The following PIK3R5 variants were observed in gnomAD, a reference collection of about 807,000 sequenced individuals.
PIK3R5 encodes the protein phosphoinositide 3-kinase regulatory subunit 5.
In PIK3R5, 32 loss-of-function variants were observed where a neutral mutation model predicts 94.9. The observed-to-expected ratio is 0.34, with a 90% CI of 0.25 to 0.45. The LOEUF is 0.45. Among genes scored for constraint, PIK3R5 ranks in the 20% least tolerant of loss-of-function variants. The pLI, the probability that PIK3R5 is intolerant of heterozygous loss-of-function variation, is 1.00. For missense variants in PIK3R5, 853 were observed against 1,144.6 expected, an observed-to-expected ratio of 0.75 and a Z score of 3.68; for synonymous variants, 443 against 479.4, an observed-to-expected ratio of 0.92 and a Z score of 0.99.
At chr17:8,949,999 C>G (rs1293724101) in intron 1 of PIK3R5, among the ~76,000 whole-genome samples, 2 of 152,168 alleles carry the variant, frequency 1.3e-5, no homozygotes, top group South Asian at 4.1e-4. Flanking sequence ...TATTAAAAGA[C>G]AGTTTGTGAA....
chr17:8,963,521 T>G (rs2091602154), intron 1 of PIK3R5, among the ~76,000 whole-genome samples: 1 of 78,234 alleles, frequency 1.3e-5, no homozygotes, highest in African/African-American at 3.4e-5. Context: ...CTTCTTCTTC[T>G]TCTTCTTTTT....
intron 1 of PIK3R5, chr17:8,916,089 C>T (rs2090624032): frequency 6.6e-6 from 1 of 152,322 alleles, no homozygotes. Flanking sequence ...CGAGCTCGCC[C>T]CAAGTTCTTC....
chr17:8,944,496 G>A (rs1597426660), intron 1 of PIK3R5, among the ~76,000 whole-genome samples: 1 of 152,334 alleles, frequency 6.6e-6, no homozygotes, highest in Non-Finnish European at 1.5e-5. Context: ...CACATCCTCT[G>A]TAAAGGGAGC....
Position 8,886,332 on chromosome 17 carries a change from G to T in PIK3R5, c.2035-10C>A. The T allele has an allele frequency of 1.2e-6, 2 of 1,608,768 alleles. No individual in the cohort carries two copies. Among genetic ancestry groups the T allele is most frequent in the Non-Finnish European group, 1.7e-6 (2 of 1,175,524 alleles). On this transcript the variant is annotated splice_polypyrimidine_tract_variant and intron_variant, in intron 13 of 18. Coordinates refer to ENST00000447110, the MANE Select transcript of PIK3R5 (RefSeq NM_001142633.3). ...CAGTGATGAAGGTCAGCTGGAGAGG[G>T]CAGGAGCATGTACATCAGTGTGAAC...
chr17:8,886,284 G>A lies in PIK3R5; in HGVS notation c.2073C>T (p.Phe691=). The A allele has an allele frequency of 6.2e-7, 1 of 1,613,714 alleles. No individual in the cohort carries two copies. The highest frequency in any genetic ancestry group is 8.5e-7 in the Non-Finnish European group (1 of 1,179,966). The change falls in exon 14 of 19, where the codon TTC becomes TTT. Residue 691 remains phenylalanine, a synonymous_variant. Coordinates refer to ENST00000447110, the MANE Select transcript of PIK3R5 (RefSeq NM_001142633.3). ...AGTGACCCAGCTCCAAGGAGTGGAT[G>A]AAGATCTCTGTCGTCTTCTCCCCAG... is the stretch of plus-strand genomic sequence containing the variant. ...FITGEKTTEI[F]IHSLELGHSA...
Position 8,888,775 on chromosome 17 carries a change from C to T in PIK3R5, c.1012G>A (p.Gly338Arg), listed in dbSNP as rs747353465. 18 of 1,613,114 alleles carry T rather than the reference C, an allele frequency of 1.1e-5. No individual in the cohort carries two copies. Among genetic ancestry groups the T allele is most frequent in the Admixed American group, 3.3e-5 (2 of 60,028 alleles). The change falls in exon 10 of 19, where the codon GGG becomes AGG. Residue 338 changes from glycine to arginine, a missense_variant. This residue lies in a region of PIK3R5 where 161 missense variants were observed against 249.5 expected (regional missense o/e 0.65). Coordinates refer to ENST00000447110, the MANE Select transcript of PIK3R5 (RefSeq NM_001142633.3). The surrounding 1 kb of genome is among the most constrained non-coding windows in gnomAD (Gnocchi z 7.8). Reference sequence around the variant, plus strand: ...AGGGAATCTCTCTCGGCACAGTGCCCGTCAGTTTCCAAGTCCTCCTCCACC... The same window carrying T: ...AGGGAATCTCTCTCGGCACAGTGCCTGTCAGTTTCCAAGTCCTCCTCCACC... ...EEVEEDLETDGHCAERDSLLS... is the reference protein window; with the variant it reads ...EEVEEDLETDRHCAERDSLLS...
At position 8,948,669 on chromosome 17, in the gene PIK3R5, T is replaced by C. The variant is rs531623264; in HGVS notation, c.-14+16927A>G. ...AAATGAAAAAGGCAAAAAAAAGCAC[T>C]GTTGTGAGGATGTGAAGCCACGCAA... On this transcript the variant is annotated intron_variant, in intron 1 of 18. Coordinates refer to ENST00000447110, the MANE Select transcript of PIK3R5 (RefSeq NM_001142633.3). 2.0e-4 allele frequency among the ~76,000 whole-genome samples: 31 copies of C among 152,212 alleles called. 1 individual carries two copies. The highest frequency in any genetic ancestry group is 1.8e-3 in the Admixed American group (27 of 15,282).
Position 8,904,517 on chromosome 17 carries a change from GC to G in PIK3R5, c.412+259del, listed in dbSNP as rs1685369419. On this transcript the variant is annotated intron_variant, in intron 5 of 18. Coordinates refer to ENST00000447110, the MANE Select transcript of PIK3R5 (RefSeq NM_001142633.3). This position sits in a 1 kb window ranked among gnomAD's most constrained non-coding sequence, Gnocchi z 5.1. The stretch of plus-strand genomic sequence containing the variant: ...GCACAGGCCAAGGTGGGGTCTCCTT[GC>G]CCTGAGTGCCTGCTCCTACTTCCCC... 6.6e-6 allele frequency among the ~76,000 whole-genome samples: 1 copy of G among 152,166 alleles called. No homozygotes were observed. The highest frequency in any genetic ancestry group is 2.1e-4 in the South Asian group (1 of 4,830).
chr17:8,923,066 C>T (rs1026214003), intron 1 of PIK3R5, among the ~76,000 whole-genome samples: 35 of 152,080 alleles, frequency 2.3e-4, no homozygotes, highest in African/African-American at 8.5e-4. Flanking sequence ...GAGAAAGATG[C>T]TAACGTGTAC....
Position 8,909,308 on chromosome 17 carries a change from T to C in PIK3R5, c.104-134A>G, listed in dbSNP as rs1420889860. 2 of 583,768 alleles carry C rather than the reference T, an allele frequency of 3.4e-6. No homozygotes were observed. Among genetic ancestry groups the C allele is most frequent in the African/African-American group, 3.8e-5 (2 of 53,098 alleles). The allele number at this position is 583,768 out of a possible 1,614,324, so 36.2% of individuals were successfully genotyped here. On this transcript the variant is annotated intron_variant, in intron 2 of 18. Coordinates refer to ENST00000447110, the MANE Select transcript of PIK3R5 (RefSeq NM_001142633.3). The surrounding 1 kb of genome is among the most constrained non-coding windows in gnomAD (Gnocchi z 4.3). Reference sequence around the variant, plus strand: ...GCACTGGAACACTCTTTTTTTTTTTTGAGACAGAGTCTTGCTCTGTCGCCA... The same window carrying C: ...GCACTGGAACACTCTTTTTTTTTTTCGAGACAGAGTCTTGCTCTGTCGCCA...
rs950423686 is a variant in PIK3R5, at chr17:8,923,954, G to A, written c.-13-12447C>T. 9.6e-5 allele frequency among the ~76,000 whole-genome samples: 12 copies of A among 125,174 alleles called. No homozygotes were observed. The South Asian group carries it at 3.4e-3, about 36-fold the overall frequency. 82.1% of individuals were successfully genotyped at this position (125,174 alleles called of 152,430 possible). On this transcript the variant is annotated intron_variant, in intron 1 of 18. Transcript: ENST00000447110. Reference sequence around the variant, plus strand: ...GGGTCTTGCTCTGCCTCCCAGGCCAGAGCGCAGTGGTGTGATCATACCTCA... The same window carrying A: ...GGGTCTTGCTCTGCCTCCCAGGCCAAAGCGCAGTGGTGTGATCATACCTCA...
chr17:8,886,498 C>A lies in PIK3R5; in HGVS notation c.2013G>T (p.Leu671=), dbSNP rs972579084. ...TTACCTCGGTCTGATAGACTTGCAG[C>A]AGCACCGGTCTGGCGGCAAAGCGGC... is the stretch of plus-strand genomic sequence containing the variant. ...YYCRFAARPV[L]LQVYQTELTF... The change falls in exon 13 of 19, where the codon CTG becomes CTT. Residue 671 remains leucine (L), a synonymous_variant. Coordinates refer to ENST00000447110, the MANE Select transcript of PIK3R5 (RefSeq NM_001142633.3). 4.4e-6 allele frequency: 7 copies of A among 1,608,086 alleles called. No individual in the cohort carries two copies. Among genetic ancestry groups the A allele is most frequent in the South Asian group, 1.1e-5 (1 of 90,104 alleles).
At chr17:8,960,059 G>A (rs1403031006) in intron 1 of PIK3R5, among the ~76,000 whole-genome samples, 1 of 152,118 alleles carries the variant, frequency 6.6e-6, no homozygotes, top group African/African-American at 2.4e-5. Context: ...CTTGGAATAC[G>A]GGGAGGGGTG....
At chr17:8,901,374 C>T (rs1046011025) in intron 5 of PIK3R5, among the ~76,000 whole-genome samples, 20 of 152,318 alleles carry the variant, frequency 1.3e-4, no homozygotes, top group African/African-American at 4.8e-4. Context: ...TGTACTTGCT[C>T]TGCTCTTTGT....
chr17:8,954,337 G>A (rs557458236), intron 1 of PIK3R5, among the ~76,000 whole-genome samples: 3 of 152,342 alleles, frequency 2.0e-5, no homozygotes, highest in African/African-American at 7.2e-5. Context: ...CCAGGGTCAA[G>A]TAGGCCAGGC....
intron 1 of PIK3R5, among the ~76,000 whole-genome samples, chr17:8,964,384 C>T (rs2091625910): frequency 6.6e-6 from 1 of 152,030 alleles, no homozygotes; most frequent in Non-Finnish European, 1.5e-5. Context: ...GAGCAAGACC[C>T]TGTCTCAATA....
Position 8,884,648 on chromosome 17 carries a change from G to T in PIK3R5, c.2205+59C>A. 2 of 1,371,312 alleles carry T rather than the reference G, an allele frequency of 1.5e-6. No homozygotes were observed. The highest frequency in any genetic ancestry group is 1.0e-6 in the Non-Finnish European group (1 of 963,830). 84.9% of individuals were successfully genotyped at this position (1,371,312 alleles called of 1,614,324 possible). ...GAGTCCAGCTCTGGGTCCAAGCTCTGGCGGAGGAAGTATCAGCAGCAGATC... is the reference window on the plus strand; with the variant it reads ...GAGTCCAGCTCTGGGTCCAAGCTCTTGCGGAGGAAGTATCAGCAGCAGATC... On this transcript the variant is annotated intron_variant, in intron 15 of 18. Coordinates refer to ENST00000447110, the MANE Select transcript of PIK3R5 (RefSeq NM_001142633.3). The surrounding 1 kb of genome is among the most constrained non-coding windows in gnomAD (Gnocchi z 5.8).
chr17:8,932,008 T>C (rs1397103018), intron 1 of PIK3R5, among the ~76,000 whole-genome samples: 2 of 152,144 alleles, frequency 1.3e-5, no homozygotes, highest in Non-Finnish European at 2.9e-5. Context: ...GTGGCATCCA[T>C]AATGCCTAGA....
At chr17:8,934,382 C>T (rs2091037026) in intron 1 of PIK3R5, among the ~76,000 whole-genome samples, 1 of 152,086 alleles carries the variant, frequency 6.6e-6, no homozygotes, top group African/African-American at 2.4e-5. Flanking sequence ...AAAACCCCCA[C>T]CATTAAAACT....
Sources: allele counts gnomAD v4.1 joint callset (sites outside exome capture counted in the v4.1 genomes callset), GRCh38; gene constraint gnomAD v4.1.1; regional missense constraint gnomAD v4.1.1; non-coding constraint Gnocchi (gnomAD v3.1); transcripts MANE v1.5; gene names NCBI Gene and HGNC (gene_info 2026-07-23, HGNC 2026-07-21).